Variants in RNF182 observed in about 807,000 individuals in gnomAD.
RNF182 encodes the protein ring finger protein 182.
Under a neutral mutation model 14.4 loss-of-function variants are expected in RNF182, and 15 were observed. That is an observed-to-expected ratio of 1.04 (90% CI 0.70 to 1.60). The LOEUF is 1.60. Ranked by LOEUF, RNF182 falls within the 40% of genes most tolerant of loss-of-function variation. RNF182 has a pLI of 0.00. For synonymous variants in RNF182, 128 were observed against 122.9 expected, an observed-to-expected ratio of 1.04 and a Z score of -0.27; for missense variants, 268 against 294.8, an observed-to-expected ratio of 0.91 and a Z score of 0.67.
chr6:13,968,581 C>T (rs1015961011), intron 1 of RNF182, among the ~76,000 whole-genome samples: 1 of 152,074 alleles, frequency 6.6e-6, no homozygotes, highest in African/African-American at 2.4e-5. Context: ...AATACCAAAA[C>T]CTAACAGCAC....
intron 1 of RNF182, among the ~76,000 whole-genome samples, chr6:13,962,058 C>T (rs1318353533): frequency 6.6e-6 from 1 of 152,142 alleles, no homozygotes; most frequent in South Asian, 2.1e-4. Flanking sequence ...CTGAGACCAT[C>T]GTCTCTACAA....
intron 1 of RNF182, among the ~76,000 whole-genome samples, chr6:13,967,170 T>C (rs1048635003): frequency 6.6e-6 from 1 of 152,048 alleles, no homozygotes; most frequent in African/African-American, 2.4e-5. Context: ...GATAAAGTAA[T>C]TGAAGATGGA....
chr6:13,930,864 CAG>C (rs1758952565), intron 1 of RNF182, among the ~76,000 whole-genome samples: 1 of 152,182 alleles, frequency 6.6e-6, no homozygotes, highest in South Asian at 2.1e-4. Flanking sequence ...CAAGATTGTA[CAG>C]AGTTGGTAGA....
intron 1 of RNF182, among the ~76,000 whole-genome samples, chr6:13,966,764 A>ACC (rs536883694): frequency 8.1e-5 from 4 of 49,168 alleles, no homozygotes; most frequent in East Asian, 9.7e-4. Context: ...ACCTGTCCCC[A>ACC]CCCCCCCACC....
At chr6:13,934,222 A>C (rs1212464001) in intron 1 of RNF182, among the ~76,000 whole-genome samples, 2 of 152,132 alleles carry the variant, frequency 1.3e-5, no homozygotes, top group Non-Finnish European at 2.9e-5. Context: ...TGCCATGTTG[A>C]ATAGTGTAGT....
At chr6:13,924,890 C>T (rs1758771419), upstream of RNF182, 1 of 141,594 alleles carries the variant, frequency 7.1e-6, no homozygotes, top group Non-Finnish European at 1.6e-5. Flanking sequence ...CGGCTCAGCG[C>T]CGTAGAGACA....
chr6:13,938,296 C>T (rs970536260), intron 1 of RNF182, among the ~76,000 whole-genome samples: 2 of 150,174 alleles, frequency 1.3e-5, no homozygotes, highest in Admixed American at 1.3e-4. Context: ...GGATTACAGG[C>T]GTGAGCCACT....
chr6:13,960,091 T>G (rs550463860), intron 1 of RNF182, among the ~76,000 whole-genome samples: 5 of 152,080 alleles, frequency 3.3e-5, no homozygotes, highest in Non-Finnish European at 7.4e-5. Context: ...CCTGTGAGAA[T>G]AGATAGTTTC....
At chr6:13,955,179 C>T (rs74882391) in intron 1 of RNF182, among the ~76,000 whole-genome samples, 4,440 of 152,232 alleles carry the variant, frequency 0.029, 209 homozygotes, top group African/African-American at 0.1. Context: ...CAGCGTTGGA[C>T]GGGATGTGCA....
Position 13,942,298 on chromosome 6 carries a change from G to A in RNF182, c.-367+17275G>A, listed in dbSNP as rs542070628. 7.0e-4 allele frequency among the ~76,000 whole-genome samples: 107 copies of A among 152,172 alleles called. 1 individual carries two copies. The South Asian group carries it at 0.011, about 15-fold the overall frequency. ...TTTTTCTTTACTGTCTATCTTGCTT[G>A]GGGATCATAGAGGTTCTTGAATCAG... On this transcript the variant is annotated intron_variant, in intron 1 of 2. Transcript: ENST00000488300.
At chr6:13,940,758 G>T (rs561772116) in intron 1 of RNF182, among the ~76,000 whole-genome samples, 1 of 152,068 alleles carries the variant, frequency 6.6e-6, no homozygotes, top group East Asian at 1.9e-4. Flanking sequence ...GGCTTTAATA[G>T]TATGCTCTTA....
Position 13,979,725 on chromosome 6 carries a change from T to G in RNF182, c.*1862T>G, listed in dbSNP as rs1377568013. 1 of 166,948 alleles carries G rather than the reference T, an allele frequency of 6.0e-6. No homozygotes were observed. The highest frequency in any genetic ancestry group is 1.5e-5 in the Non-Finnish European group (1 of 68,110). 10.3% of individuals were successfully genotyped at this position (166,948 alleles called of 1,614,324 possible). A position where few individuals can be genotyped will look rare whatever the true frequency, so the allele number is the denominator to read the frequency against. Reference sequence around the variant, plus strand: ...AAAAAAATGTTCGTTTTGTTTGAAATGTAACATTGAGTAAATTGGTGAGTT... The same window carrying G: ...AAAAAAATGTTCGTTTTGTTTGAAAGGTAACATTGAGTAAATTGGTGAGTT... On this transcript the variant is annotated 3_prime_UTR_variant, in exon 3 of 3. Transcript: ENST00000488300.
At chr6:13,964,871 T>G (rs1310025296) in intron 1 of RNF182, among the ~76,000 whole-genome samples, 1 of 152,154 alleles carries the variant, frequency 6.6e-6, no homozygotes, top group African/African-American at 2.4e-5. Flanking sequence ...GCAGGAGACC[T>G]TGGAAGGGTC....
At position 13,977,333 on chromosome 6, in the gene RNF182, T is replaced by C; in HGVS notation, c.214T>C (p.Cys72Arg). Residue 72 changes from cysteine to arginine, a missense_variant, in exon 3 of 3, where the codon TGC (cysteine) becomes CGC (arginine). By Grantham distance (180) the Cys-to-Arg change is radical. Transcript: ENST00000488300. The part of the protein sequence containing the change: ...IVCPFCRFET[C>R]LPDDEVSSLP... The stretch of plus-strand genomic sequence containing the variant: ...CTGTCCTTTCTGCAGGTTTGAGACG[T>C]GCCTGCCAGATGATGAAGTTAGTAG... 1 of 1,614,214 alleles carries C rather than the reference T, an allele frequency of 6.2e-7. No individual in the cohort carries two copies. The highest frequency in any genetic ancestry group is 8.5e-7 in the Non-Finnish European group (1 of 1,180,026).
chr6:13,942,148 G>C (rs2113599216), intron 1 of RNF182, among the ~76,000 whole-genome samples: 1 of 152,092 alleles, frequency 6.6e-6, no homozygotes, highest in East Asian at 1.9e-4. Flanking sequence ...CATTGTTTTT[G>C]TTGAGAAATT....
At chr6:13,972,057 T>C (rs1040365877) in intron 1 of RNF182, among the ~76,000 whole-genome samples, 4 of 152,074 alleles carry the variant, frequency 2.6e-5, no homozygotes, top group Non-Finnish European at 5.9e-5. Context: ...TCCCAGCACC[T>C]TGGGAGGCCA....
chr6:13,973,918 A>G (rs1760259096), intron 1 of RNF182, among the ~76,000 whole-genome samples: 1 of 152,134 alleles, frequency 6.6e-6, no homozygotes. Context: ...CTCATACAGT[A>G]TTACTCTTTT....
intron 2 of RNF182, among the ~76,000 whole-genome samples, chr6:13,974,723 A>G (rs962246527): frequency 6.6e-6 from 1 of 152,242 alleles, no homozygotes; most frequent in South Asian, 2.1e-4. Flanking sequence ...ACGTATTCAT[A>G]AACACTCACA....
At chr6:13,933,890 C>T (rs990890362) in intron 1 of RNF182, among the ~76,000 whole-genome samples, 3 of 152,046 alleles carry the variant, frequency 2.0e-5, no homozygotes, top group African/African-American at 7.2e-5. Flanking sequence ...TGGTGGCATG[C>T]GCCTGTAGTC....
Sources: gnomAD v4.1 joint callset for allele counts (sites outside exome capture counted in the v4.1 genomes callset) on GRCh38, gnomAD v4.1.1 for gene constraint, MANE v1.5 for transcripts, NCBI Gene and HGNC (gene_info 2026-07-23, HGNC 2026-07-21) for gene names.